Variants in CPEB2 observed in about 807,000 individuals in gnomAD.
The protein encoded by CPEB2 is cytoplasmic polyadenylation element-binding protein 2.
CPEB2 carries 56 observed loss-of-function variants against 93.6 expected under a neutral mutation model. The ratio of observed to expected loss-of-function variants is 0.60; its 90% CI spans 0.48 to 0.75. The LOEUF (loss-of-function observed/expected upper bound fraction) is 0.75, where lower values mean the gene tolerates loss of function less well. CPEB2 is among the 30% of genes least tolerant of loss of function. The pLI is 0.00. For synonymous variants in CPEB2, 764 were observed against 586.3 expected, an observed-to-expected ratio of 1.30 and a Z score of -4.38; for missense variants, 1,579 against 1,395.1, an observed-to-expected ratio of 1.13 and a Z score of -2.10.
intron 3 of CPEB2, among the ~76,000 whole-genome samples, chr4:15,011,403 A>G (rs1228018889): frequency 1.3e-5 from 2 of 152,162 alleles, no homozygotes; most frequent in Non-Finnish European, 2.9e-5. Flanking sequence ...CCTGGCCAGT[A>G]TATCTACATG....
chr4:15,051,904 G>A (rs1005934229), intron 6 of CPEB2, among the ~76,000 whole-genome samples: 14 of 152,256 alleles, frequency 9.2e-5, no homozygotes, highest in East Asian at 7.7e-4. Context: ...CGGAAGCTCC[G>A]TCTACTGTTT....
chr4:15,047,957 A>C (rs1275766722), intron 6 of CPEB2, among the ~76,000 whole-genome samples: 1 of 149,854 alleles, frequency 6.7e-6, no homozygotes, highest in Non-Finnish European at 1.5e-5. Context: ...GTTTTATCAG[A>C]TGCATTTCCT....
chr4:15,059,409 A>G (rs1728995735), intron 10 of CPEB2, 108 bp downstream of exon 10: 2 of 613,944 alleles, frequency 3.3e-6, no homozygotes, highest in Non-Finnish European at 5.4e-6. Context: ...TGGACAGAGC[A>G]GGAGCAGATT....
intron 3 of CPEB2, among the ~76,000 whole-genome samples, chr4:15,010,867 G>A (rs1723377364): frequency 6.6e-6 from 1 of 152,066 alleles, no homozygotes; most frequent in Non-Finnish European, 1.5e-5. Context: ...CTTTACCTGT[G>A]TCAAGAGCTG....
chr4:15,033,182 C>A lies in CPEB2; in HGVS notation c.2147C>A (p.Pro716Gln). The A allele has an allele frequency of 6.2e-7, 1 of 1,603,116 alleles. No homozygotes were observed. The highest frequency in any genetic ancestry group is 8.5e-7 in the Non-Finnish European group (1 of 1,171,080). The change falls in exon 5 of 12, where the codon CCA becomes CAA. Residue 716 changes from proline to glutamine, a missense_variant. Around this residue, in one of 2 missense-constraint regions of CPEB2, gnomAD observed 1,411 missense variants for 1,056.0 expected, o/e 1.34. Coordinates refer to ENST00000538197, the MANE Select transcript of CPEB2 (RefSeq NM_001177382.2). ...PLKGRLSYPH[P>Q]GTDNLLMLNA... ...AAAGGTCGATTGAGCTATCCACATC[C>A]AGGAACTGACAATCTGTTGATGTTA... is the stretch of plus-strand genomic sequence containing the variant.
At chr4:15,028,408 G>T (rs774278968) in intron 4 of CPEB2, among the ~76,000 whole-genome samples, 2 of 150,836 alleles carry the variant, frequency 1.3e-5, no homozygotes, top group Non-Finnish European at 3.0e-5. Context: ...TTGTGTTTTT[G>T]ATTCAGTCCA....
At position 15,003,592 on chromosome 4, in the gene CPEB2, G is replaced by C. The variant is rs1577346812; in HGVS notation, c.919G>C (p.Val307Leu). 1.4e-6 allele frequency: 2 copies of C among 1,476,244 alleles called. No individual in the cohort carries two copies. The highest frequency in any genetic ancestry group is 2.5e-5 in the South Asian group (2 of 78,860). 91.4% of individuals were successfully genotyped at this position (1,476,244 alleles called of 1,614,324 possible). ...TGCGGGCTTGGCCTCCTCGACGCCG[G>C]TGAACCCCGCGCCGGGCTCCATGGA... Reference protein sequence around the residue: ...PNAGLASSTPVNPAPGSMESP... With the variant: ...PNAGLASSTPLNPAPGSMESP... The change falls in exon 1 of 12, where the codon GTG becomes CTG. Residue 307 changes from valine to leucine, a missense_variant. By Grantham distance (32) the Val-to-Leu change is conservative (BLOSUM62 1). Around this residue, in one of 2 missense-constraint regions of CPEB2, gnomAD observed 1,411 missense variants for 1,056.0 expected, o/e 1.34. Coordinates refer to ENST00000538197, the MANE Select transcript of CPEB2 (RefSeq NM_001177382.2).
chr4:15,053,798 T>C (rs1021945077), intron 7 of CPEB2, among the ~76,000 whole-genome samples: 6 of 152,184 alleles, frequency 3.9e-5, no homozygotes, highest in Admixed American at 1.3e-4. Flanking sequence ...TTATATATGT[T>C]GGCATTTTTT....
chr4:15,050,751 T>A (rs1026637251), intron 6 of CPEB2, among the ~76,000 whole-genome samples: 1 of 152,192 alleles, frequency 6.6e-6, no homozygotes, highest in African/African-American at 2.4e-5. Context: ...TTACCACTCC[T>A]TTCTCTAACT....
chr4:15,060,910 A>G (rs1010944691), intron 10 of CPEB2, among the ~76,000 whole-genome samples: 5 of 152,136 alleles, frequency 3.3e-5, no homozygotes, highest in Admixed American at 1.3e-4. Context: ...TGGACTCTAG[A>G]TATGTTTTAA....
At chr4:15,035,956 A>G (rs1466617335) in intron 5 of CPEB2, among the ~76,000 whole-genome samples, 2 of 152,226 alleles carry the variant, frequency 1.3e-5, no homozygotes, top group Non-Finnish European at 2.9e-5. Context: ...TGTTGGGCCG[A>G]TATGGCAAAT....
At chr4:15,026,304 G>T (rs1264968016) in intron 4 of CPEB2, among the ~76,000 whole-genome samples, 1 of 151,058 alleles carries the variant, frequency 6.6e-6, no homozygotes, top group Non-Finnish European at 1.5e-5. Flanking sequence ...TTGGCTCACT[G>T]CAACCTCCAC....
intron 1 of CPEB2, chr4:15,004,959 T>C (rs1221970797): frequency 9.8e-5 from 15 of 152,338 alleles, no homozygotes; most frequent in Admixed American, 7.2e-4. Flanking sequence ...TTTATTCTTA[T>C]TTGGCCGGCG....
intron 11 of CPEB2, among the ~76,000 whole-genome samples, chr4:15,064,836 A>G (rs1483972393): frequency 6.6e-6 from 1 of 152,122 alleles, no homozygotes; most frequent in African/African-American, 2.4e-5. Context: ...AAGTTGAGAG[A>G]TAAAAATTAA....
chr4:15,010,397 A>C (rs1440909569), intron 3 of CPEB2: 1 of 152,186 alleles, frequency 6.6e-6, no homozygotes, highest in African/African-American at 2.4e-5. Context: ...AAAGGGTCTT[A>C]GGCATTAGTC....
At position 15,066,635 on chromosome 4, in the gene CPEB2, A is replaced by AT; in HGVS notation, c.*260dup. On this transcript the variant is annotated 3_prime_UTR_variant, in exon 12 of 12. Coordinates refer to ENST00000538197, the MANE Select transcript of CPEB2 (RefSeq NM_001177382.2). ...TGTTTTTTTGTATTTTCTCCAAGTT[A>AT]TTTTTATATGTAAAGTTAAAATTAG... The AT allele has an allele frequency of 2.1e-6, 1 of 466,740 alleles. No individual in the cohort carries two copies. Among genetic ancestry groups the AT allele is most frequent in the Non-Finnish European group, 3.8e-6 (1 of 261,772 alleles). 28.9% of individuals were successfully genotyped at this position (466,740 alleles called of 1,614,324 possible).
rs553020743 is a variant in CPEB2, at chr4:15,003,714, T to C, written c.1041T>C (p.Leu347=). ...TCAGCAGCCTGCAGAGCCCGGACCT[T>C]CCACACCCGGGCGGCGGCGGCGGCG... ...GAFSSLQSPD[L]PHPGGGGGGG... The change falls in exon 1 of 12, where the codon CTT becomes CTC. Residue 347 remains leucine (L), a synonymous_variant. Coordinates refer to ENST00000538197, the MANE Select transcript of CPEB2 (RefSeq NM_001177382.2). The C allele has an allele frequency of 4.9e-4, 621 of 1,273,168 alleles. 10 individuals carry two copies. In the South Asian group the frequency reaches 0.012, roughly 25 times the overall value. 78.9% of individuals were successfully genotyped at this position (1,273,168 alleles called of 1,614,324 possible).
Position 15,002,643 on chromosome 4 carries a change from G to C in CPEB2, c.-31G>C, listed in dbSNP as rs923348041. 9 of 1,468,474 alleles carry C rather than the reference G, an allele frequency of 6.1e-6. No homozygotes were observed. In the African/African-American group the frequency reaches 1.3e-4, roughly 21 times the overall value. The allele number at this position is 1,468,474 out of a possible 1,614,324, so 91.0% of individuals were successfully genotyped here. A position where few individuals can be genotyped will look rare whatever the true frequency, so the allele number is the denominator to read the frequency against. ...TCCTAGGTGGGGCAGGGGACGAGGA[G>C]CGTCTCCTCCCGCTGCCGGCGGCCT... is the stretch of plus-strand genomic sequence containing the variant. On this transcript the variant is annotated 5_prime_UTR_variant, in exon 1 of 12. Transcript: ENST00000538197.
chr4:15,053,277 A>G (rs1417063759), intron 7 of CPEB2, among the ~76,000 whole-genome samples: 2 of 152,038 alleles, frequency 1.3e-5, no homozygotes, highest in Admixed American at 6.6e-5. Context: ...TAGCCTCCCA[A>G]AGTGCTGGGA....
Sources: allele counts gnomAD v4.1 joint callset (sites outside exome capture counted in the v4.1 genomes callset), GRCh38; gene constraint gnomAD v4.1.1; regional missense constraint gnomAD v4.1.1; transcripts MANE v1.5; gene names NCBI Gene and HGNC (gene_info 2026-07-23, HGNC 2026-07-21).